ABCA8: variants seen among roughly 807,000 people sequenced by gnomAD.
ABCA8 encodes ATP binding cassette subfamily A member 8, also known as ABC-type organic anion transporter ABCA8.
A neutral mutation model predicts 192.3 loss-of-function variants in ABCA8; 177 were observed. The observed-to-expected ratio is 0.92, with a 90% CI of 0.81 to 1.04. The LOEUF (loss-of-function observed/expected upper bound fraction) is 1.04, where lower values mean the gene tolerates loss of function less well. Among genes scored for constraint, ABCA8 ranks in the 50% least tolerant of loss-of-function variants. The pLI, the probability that ABCA8 is intolerant of heterozygous loss-of-function variation, is 0.00. For synonymous variants in ABCA8, 642 were observed against 690.2 expected (o/e 0.93, Z 1.09); for missense variants, 1,915 against 1,904.8 (o/e 1.01, Z -0.10).
chr17:68,945,263 G>C (rs949767849), intron 2 of ABCA8, among the ~76,000 whole-genome samples: 1 of 152,080 alleles, frequency 6.6e-6, no homozygotes, highest in African/African-American at 2.4e-5. Flanking sequence ...GTTTTTCATA[G>C]AATTTGAGCG....
chr17:68,885,423 C>T (rs1434998447), intron 26 of ABCA8, 108 bp from the exon 27 acceptor site: 1 of 1,136,038 alleles, frequency 8.8e-7, no homozygotes, highest in East Asian at 2.6e-5. Flanking sequence ...ATCTTGCAAA[C>T]CAAGCTGAAA....
intron 24 of ABCA8, among the ~76,000 whole-genome samples, chr17:68,889,072 A>G (rs2066562914): frequency 6.6e-6 from 1 of 152,248 alleles, no homozygotes; most frequent in Admixed American, 6.5e-5. Flanking sequence ...AACACCAGAA[A>G]GACTTATAGT....
chr17:68,937,508 A>C (rs1434230266), intron 4 of ABCA8, among the ~76,000 whole-genome samples: 1 of 152,132 alleles, frequency 6.6e-6, no homozygotes, highest in Non-Finnish European at 1.5e-5. Context: ...TACCTATACA[A>C]ATTTATTTTT....
chr17:68,872,505 C>T (rs1317794895), intron 37 of ABCA8, among the ~76,000 whole-genome samples: 2 of 149,656 alleles, frequency 1.3e-5, no homozygotes, highest in South Asian at 2.1e-4. Context: ...TGCAGCGCAC[C>T]AGCATGGCAC....
intron 3 of ABCA8, 75 bp downstream of exon 3, chr17:68,941,864 C>A: frequency 2.0e-6 from 2 of 1,009,970 alleles, no homozygotes; most frequent in South Asian, 1.5e-5. Context: ...GGGAGATACA[C>A]ATGGCATAGA....
At chr17:68,928,157 G>A in intron 9 of ABCA8, 94 bp from the exon 10 acceptor site, 1 of 1,004,562 alleles carries the variant, frequency 1.0e-6, no homozygotes. Flanking sequence ...ACTACTTATT[G>A]CCTCATACTG....
Position 68,877,513 on chromosome 17 carries a change from G to A in ABCA8, c.4199+6C>T. 1.2e-6 allele frequency: 2 copies of A among 1,611,736 alleles called. No homozygotes were observed. The highest frequency in any genetic ancestry group is 1.7e-6 in the Non-Finnish European group (2 of 1,178,652). On this transcript the variant is annotated splice_donor_region_variant and intron_variant, in intron 33 of 39. Transcript: ENST00000586539. ...GGTATAGAACAGATGTGGCTCCTCT[G>A]TGTACCGTGTGATGGCAACCTCAGC...
At chr17:68,892,710 T>C in intron 23 of ABCA8, among the ~76,000 whole-genome samples, 1 of 152,166 alleles carries the variant, frequency 6.6e-6, no homozygotes, top group East Asian at 1.9e-4. Flanking sequence ...CCAAAATTAA[T>C]TAATACTTGG....
chr17:68,881,304 C>T, intron 31 of ABCA8, 93 bp from the exon 32 acceptor site: 1 of 898,740 alleles, frequency 1.1e-6, no homozygotes, highest in Non-Finnish European at 1.8e-6. Flanking sequence ...CAAGCATTTG[C>T]TATTAGTTGT....
intron 5 of ABCA8, among the ~76,000 whole-genome samples, chr17:68,934,589 T>C (rs1030914521): frequency 2.0e-5 from 3 of 152,308 alleles, no homozygotes; most frequent in East Asian, 1.9e-4. Flanking sequence ...CTAGCTATCT[T>C]ATTATGACTA....
At position 68,918,536 on chromosome 17, in the gene ABCA8, A is replaced by G; in HGVS notation, c.1799T>C (p.Val600Ala). The change falls in exon 15 of 40, where the codon GTT (valine) becomes GCT (alanine). Residue 600 changes from valine (V) to alanine (A), a missense_variant. By Grantham distance (64) the Val-to-Ala change is moderately conservative. Coordinates refer to ENST00000586539, the MANE Select transcript of ABCA8 (RefSeq NM_001288985.2). ...PQEVDKEIQR[V>A]LLELEMKNIQ... ...ATTTTTCATTTCCAATTCCAGCAGA[A>G]CCCTTTGTATCTAACCAAAAGACAG... is the stretch of plus-strand genomic sequence containing the variant. The G allele has an allele frequency of 6.6e-7, 1 of 1,508,196 alleles. No individual in the cohort carries two copies. Among genetic ancestry groups the G allele is most frequent in the Non-Finnish European group, 8.8e-7 (1 of 1,138,082 alleles). The allele number at this position is 1,508,196 out of a possible 1,614,324, so 93.4% of individuals were successfully genotyped here.
At position 68,907,897 on chromosome 17, in the gene ABCA8, A is replaced by T; in HGVS notation, c.2139-18T>A. ...ACTGCAAGCTGGCATTCAGAAAAAAAAAAAAAGACATATGTTACTCGACAT... is the reference window on the plus strand; with the variant it reads ...ACTGCAAGCTGGCATTCAGAAAAAATAAAAAAGACATATGTTACTCGACAT... On this transcript the variant is annotated intron_variant, in intron 17 of 39. Transcript: ENST00000586539. 6.4e-7 allele frequency: 1 copy of T among 1,567,316 alleles called. No homozygotes were observed. Among genetic ancestry groups the T allele is most frequent in the African/African-American group, 1.4e-5 (1 of 71,842 alleles).
rs1416535514 is a variant in ABCA8, at chr17:68,877,683, C to G, written c.4039-4G>C. 6 of 1,607,762 alleles carry G rather than the reference C, an allele frequency of 3.7e-6. No individual in the cohort carries two copies. The African/African-American group carries it at 6.7e-5, about 18-fold the overall frequency. On this transcript the variant is annotated splice_region_variant and splice_polypyrimidine_tract_variant and intron_variant, in intron 32 of 39. Coordinates refer to ENST00000586539, the MANE Select transcript of ABCA8 (RefSeq NM_001288985.2). ...CACCGCTCCCTTTCAGTAGCACCTG[C>G]AGATGAAAGTTCCCTCTCAGAACCT...
intron 8 of ABCA8, 107 bp downstream of exon 8, chr17:68,929,454 G>A (rs977735052): frequency 7.6e-7 from 1 of 1,317,878 alleles, no homozygotes; most frequent in Admixed American, 2.3e-5. Flanking sequence ...TTTTTCACAT[G>A]CAAACAGAGT....
chr17:68,916,094 ATAG>A (rs1399757898), intron 17 of ABCA8, among the ~76,000 whole-genome samples: 1 of 152,050 alleles, frequency 6.6e-6, no homozygotes, highest in African/African-American at 2.4e-5. Context: ...TTTTATGGAG[ATAG>A]TAGAAGGATG....
At position 68,885,242 on chromosome 17, in the gene ABCA8, A is replaced by T; in HGVS notation, c.3503T>A (p.Leu1168Ter). Reference protein sequence around the residue: ...ESDIPFIFTFLIPPATMIGCL... With the variant: ...ESDIPFIFTF Reference sequence around the variant, plus strand: ...GCCAATCATTGTGGCAGGTGGTATTAAAAAAGTGAAGATAAATGGAATATC... The same window carrying T: ...GCCAATCATTGTGGCAGGTGGTATTTAAAAAGTGAAGATAAATGGAATATC... Residue 1168 changes from leucine (L) to a stop codon, truncating the protein, a stop_gained, in exon 27 of 40, where the codon TTA (leucine) becomes TAA (stop). Coordinates refer to ENST00000586539, the MANE Select transcript of ABCA8 (RefSeq NM_001288985.2). LOFTEE classifies it high-confidence loss of function. 1.2e-6 allele frequency: 2 copies of T among 1,613,736 alleles called. No homozygotes were observed. The highest frequency in any genetic ancestry group is 1.3e-5 in the African/African-American group (1 of 75,034).
intron 21 of ABCA8, among the ~76,000 whole-genome samples, chr17:68,898,121 A>T (rs982328098): frequency 3.3e-5 from 5 of 152,086 alleles, no homozygotes; most frequent in African/African-American, 9.7e-5. Flanking sequence ...ACCAATAAGA[A>T]CCCAGCTGAT....
At chr17:68,915,888 C>T (rs911404718) in intron 17 of ABCA8, among the ~76,000 whole-genome samples, 6 of 152,062 alleles carry the variant, frequency 3.9e-5, no homozygotes, top group African/African-American at 1.5e-4. Flanking sequence ...TGTCCATCAA[C>T]AGATGATTGG....
At chr17:68,896,998 C>T (rs186039507) in intron 21 of ABCA8, among the ~76,000 whole-genome samples, 45 of 152,252 alleles carry the variant, frequency 3.0e-4, no homozygotes, top group African/African-American at 1.1e-3. Context: ...TGAACAGAAA[C>T]GTGTTCTTAT....
Sources: gnomAD v4.1 joint callset for allele counts (sites outside exome capture counted in the v4.1 genomes callset) on GRCh38, gnomAD v4.1.1 for gene constraint, MANE v1.5 for transcripts, NCBI Gene and HGNC (gene_info 2026-07-23, HGNC 2026-07-21) for gene names.